The following FAM53A variants were observed in gnomAD, a reference collection of about 807,000 sequenced individuals.
FAM53A encodes family with sequence similarity 53 member A, also known as protein FAM53A.
A neutral mutation model predicts 26.6 loss-of-function variants in FAM53A; 28 were observed. That is an observed-to-expected ratio of 1.05 (90% CI 0.78 to 1.45). The LOEUF is 1.45. Among genes scored for constraint, FAM53A ranks in the 40% most tolerant of loss-of-function variants. The pLI is 0.00. For synonymous variants in FAM53A, 290 were observed against 253.1 expected (o/e 1.15, Z -1.38); for missense variants, 650 against 575.8 (o/e 1.13, Z -1.32).
At chr4:1,618,699 C>T (rs1267751475) in intron 1 of FAM53A, among the ~76,000 whole-genome samples, 1 of 152,174 alleles carries the variant, frequency 6.6e-6, no homozygotes, top group East Asian at 1.9e-4. Context: ...CCTCCCAGGC[C>T]ATGGGGTATG....
At chr4:1,679,713 C>T (rs534068797) in intron 1 of FAM53A, among the ~76,000 whole-genome samples, 12 of 149,516 alleles carry the variant, frequency 8.0e-5, no homozygotes, top group African/African-American at 3.0e-4. Context: ...AAGAACCCAA[C>T]CCAACTAAAG....
the FAM53A span, among the ~76,000 whole-genome samples, chr4:1,606,834 G>A: frequency 6.6e-6 from 1 of 152,194 alleles, no homozygotes; most frequent in Non-Finnish European, 1.5e-5. Context: ...CCCAGCCCCT[G>A]CTTTCCACTC....
the FAM53A span, among the ~76,000 whole-genome samples, chr4:1,576,848 A>C: frequency 6.6e-6 from 1 of 152,126 alleles, no homozygotes; most frequent in Admixed American, 6.5e-5. Context: ...CAGACATCAG[A>C]CTTCACTTCC....
chr4:1,682,976 C>G (rs892939609), intron 1 of FAM53A, among the ~76,000 whole-genome samples: 1 of 152,208 alleles, frequency 6.6e-6, no homozygotes, highest in African/African-American at 2.4e-5. Flanking sequence ...AGGGACAAAG[C>G]TGCAGAATCA....
chr4:1,592,470 C>T, the FAM53A span, among the ~76,000 whole-genome samples: 2 of 152,176 alleles, frequency 1.3e-5, no homozygotes, highest in Non-Finnish European at 2.9e-5. Context: ...GGCCAGGGGG[C>T]AGGATCCCGG....
rs1289630487 is a variant in FAM53A, at chr4:1,644,162, CACCG to C, written c.883-2559_883-2556del. 1.2e-5 allele frequency: 18 copies of C among 1,531,412 alleles called. No individual in the cohort carries two copies. The African/African-American group carries it at 2.4e-4, about 20-fold the overall frequency. 94.9% of individuals were successfully genotyped at this position (1,531,412 alleles called of 1,614,324 possible). A position where few individuals can be genotyped will look rare whatever the true frequency, so the allele number is the denominator to read the frequency against. On this transcript the variant is annotated intron_variant, in intron 4 of 4. Transcript: ENST00000308132. ...GCACCACCAGGCTGCACTACACACG[CACCG>C]GGGTGGCGGGGACGCTACGCACCTT...
chr4:1,677,122 G>A (rs1377509026), intron 1 of FAM53A, among the ~76,000 whole-genome samples: 1 of 152,162 alleles, frequency 6.6e-6, no homozygotes, highest in Non-Finnish European at 1.5e-5. Context: ...GAGAAGGGGG[G>A]CACGTGAAGA....
chr4:1,655,266 G>A lies in FAM53A; in HGVS notation c.594C>T (p.Ser198=), dbSNP rs958500283. 1.1e-5 allele frequency: 16 copies of A among 1,440,418 alleles called. No homozygotes were observed. The highest frequency in any genetic ancestry group is 1.4e-5 in the Non-Finnish European group (16 of 1,104,692). 89.2% of individuals were successfully genotyped at this position (1,440,418 alleles called of 1,614,324 possible). The change falls in exon 4 of 5, where the codon AGC becomes AGT. Residue 198 remains serine, a synonymous_variant. Coordinates refer to ENST00000308132, the MANE Select transcript of FAM53A (RefSeq NM_001174070.3). ...SSASGGFVDS[S]EGSAGSGPLW... The stretch of plus-strand genomic sequence containing the variant: ...GCGGGCCTGAGCCCGCACTGCCCTC[G>A]CTGCTGTCCACGAAGCCGCCGCTGG...
chr4:1,647,948 G>A (rs1304283326), intron 4 of FAM53A, among the ~76,000 whole-genome samples: 4 of 152,236 alleles, frequency 2.6e-5, no homozygotes, highest in East Asian at 1.9e-4. Context: ...GGTGGCGCAC[G>A]CCTGCAATCC....
At chr4:1,650,552 A>G (rs1039897177) in intron 4 of FAM53A, among the ~76,000 whole-genome samples, 1 of 152,108 alleles carries the variant, frequency 6.6e-6, no homozygotes, top group African/African-American at 2.4e-5. Context: ...GCTGGAGTGC[A>G]GTGGCGTGAT....
At chr4:1,604,229 G>A in the FAM53A span, among the ~76,000 whole-genome samples, 5 of 152,200 alleles carry the variant, frequency 3.3e-5, no homozygotes, top group Non-Finnish European at 5.9e-5. Context: ...AAGAAGGCTC[G>A]AGGCTGCCGC....
At chr4:1,646,809 C>G (rs904773483) in intron 4 of FAM53A, among the ~76,000 whole-genome samples, 5 of 152,146 alleles carry the variant, frequency 3.3e-5, no homozygotes, top group East Asian at 3.9e-4. Context: ...GCTGCAGGGC[C>G]ACATAGGAAG....
intron 1 of FAM53A, among the ~76,000 whole-genome samples, chr4:1,681,048 T>C (rs1017169004): frequency 1.3e-5 from 2 of 152,062 alleles, no homozygotes; most frequent in Non-Finnish European, 2.9e-5. Flanking sequence ...GGGATGCTAG[T>C]CATACAGGAG....
intron 2 of FAM53A, among the ~76,000 whole-genome samples, chr4:1,661,106 G>A (rs1713801587): frequency 6.6e-6 from 1 of 151,706 alleles, no homozygotes; most frequent in African/African-American, 2.4e-5. Context: ...AGCTCTCCCT[G>A]CTCTCCGCCC....
chr4:1,681,704 T>C (rs893394071), intron 1 of FAM53A, among the ~76,000 whole-genome samples: 13 of 151,816 alleles, frequency 8.6e-5, no homozygotes, highest in Admixed American at 5.3e-4. Context: ...GGTCTCACTA[T>C]GTTGCCCAGG....
chr4:1,593,603 G>A, the FAM53A span, among the ~76,000 whole-genome samples: 3 of 152,234 alleles, frequency 2.0e-5, no homozygotes, highest in South Asian at 6.2e-4. Context: ...CTGGACGCTC[G>A]TCTGGACCAG....
At chr4:1,618,885 C>T (rs1714910450) in intron 1 of FAM53A, among the ~76,000 whole-genome samples, 1 of 152,176 alleles carries the variant, frequency 6.6e-6, no homozygotes, top group Non-Finnish European at 1.5e-5. Flanking sequence ...CTCCACGGCC[C>T]CCCGAGGGCT....
chr4:1,610,687 A>T, the FAM53A span, among the ~76,000 whole-genome samples: 1 of 151,880 alleles, frequency 6.6e-6, no homozygotes, highest in Non-Finnish European at 1.5e-5. Flanking sequence ...AGGCCTGGGC[A>T]CCCCAGCTGG....
rs568449538 is a variant in FAM53A at position 1,625,811 on chromosome 4, C to T, written c.432-7700G>A. Among the ~76,000 whole-genome samples the T allele has an allele frequency of 7.2e-4, 108 of 150,476 alleles. 1 individual carries two copies. The highest frequency in any genetic ancestry group is 1.1e-3 in the Non-Finnish European group (75 of 67,982). ...TCAGAAGGCCCCACGTCCCGGCCCA[C>T]GTGGTCAGGGTCACGCCAAGTGGAG... is the stretch of plus-strand genomic sequence containing the variant. On this transcript the variant is annotated intron_variant, in intron 1 of 1. Coordinates refer to the FAM53A transcript ENST00000489029.
Sources: allele counts gnomAD v4.1 joint callset (sites outside exome capture counted in the v4.1 genomes callset), GRCh38; gene constraint gnomAD v4.1.1; transcripts MANE v1.5; gene names NCBI Gene and HGNC (gene_info 2026-07-23, HGNC 2026-07-21).